C10orf67: variants seen among roughly 807,000 people sequenced by gnomAD.
The protein encoded by C10orf67 is uncharacterized protein C10orf67, mitochondrial.
In C10orf67, 60 loss-of-function variants were observed where a neutral mutation model predicts 35.6. The observed-to-expected ratio is 1.68, with a 90% CI of 1.37 to 2.09. C10orf67 has a LOEUF of 2.09. Ranked by LOEUF, C10orf67 falls within the 30% of genes most tolerant of loss-of-function variation. The pLI is 0.00. For synonymous variants in C10orf67, 167 were observed against 115.8 expected (o/e 1.44, Z -2.84); for missense variants, 474 against 330.2 (o/e 1.44, Z -3.38).
intron 5 of C10orf67, among the ~76,000 whole-genome samples, chr10:23,294,687 A>T (rs947687353): frequency 4.5e-4 from 69 of 152,242 alleles, no homozygotes; most frequent in African/African-American, 1.6e-3. Flanking sequence ...AGTAAACTAG[A>T]TAACTGTAGA....
At chr10:23,283,339 T>C (rs1843427026) in intron 7 of C10orf67, among the ~76,000 whole-genome samples, 1 of 152,218 alleles carries the variant, frequency 6.6e-6, no homozygotes, top group Non-Finnish European at 1.5e-5. Flanking sequence ...CAACCTTTCG[T>C]TGTGATATGC....
At chr10:23,263,975 A>G (rs1842821011) in intron 10 of C10orf67, among the ~76,000 whole-genome samples, 1 of 152,210 alleles carries the variant, frequency 6.6e-6, no homozygotes, top group African/African-American at 2.4e-5. Context: ...TGGGTAGCAC[A>G]TGTGCTGTTC....
At chr10:23,233,620 A>T (rs534168378) in intron 13 of C10orf67, among the ~76,000 whole-genome samples, 10 of 152,244 alleles carry the variant, frequency 6.6e-5, no homozygotes, top group African/African-American at 2.4e-4. Context: ...CTTTCGTGTG[A>T]TAAAAAGAAT....
At chr10:23,344,513 C>T in intron 1 of C10orf67, 56 bp downstream of exon 1, 3 of 1,491,280 alleles carry the variant, frequency 2.0e-6, no homozygotes, top group Admixed American at 2.0e-5. Flanking sequence ...AGCCTCCCGC[C>T]GTGCCCCTGG....
intron 5 of C10orf67, among the ~76,000 whole-genome samples, chr10:23,295,601 G>A (rs1036338690): frequency 7.2e-5 from 11 of 152,236 alleles, no homozygotes; most frequent in South Asian, 2.1e-4. Flanking sequence ...TTAGCCAGGC[G>A]GGTATCATGT....
intron 4 of C10orf67, among the ~76,000 whole-genome samples, chr10:23,304,665 T>A (rs925636074): frequency 4.0e-5 from 6 of 151,858 alleles, no homozygotes; most frequent in Non-Finnish European, 7.4e-5. Context: ...GCCCTGTAAT[T>A]CCCTTCAAGC....
chr10:23,287,653 C>T (rs796236182), intron 7 of C10orf67, among the ~76,000 whole-genome samples: 28 of 152,100 alleles, frequency 1.8e-4, no homozygotes, highest in African/African-American at 6.5e-4. Context: ...AGAGCTTCTG[C>T]ACAAAAGAAA....
At chr10:23,248,295 G>A (rs185581802) in intron 12 of C10orf67, among the ~76,000 whole-genome samples, 8 of 152,320 alleles carry the variant, frequency 5.3e-5, no homozygotes, top group Admixed American at 1.3e-4. Flanking sequence ...GTAGGGATAT[G>A]TTCCAAAGCT....
chr10:23,234,476 T>G (rs1482765215), intron 13 of C10orf67, among the ~76,000 whole-genome samples: 1 of 152,064 alleles, frequency 6.6e-6, no homozygotes, highest in Non-Finnish European at 1.5e-5. Flanking sequence ...AGCTACATGA[T>G]GAGAACACAT....
At chr10:23,296,183 T>G (rs900828041) in intron 5 of C10orf67, among the ~76,000 whole-genome samples, 1 of 151,980 alleles carries the variant, frequency 6.6e-6, no homozygotes, top group Non-Finnish European at 1.5e-5. Context: ...ATGTGTACTT[T>G]TTTTTTTTTG....
At chr10:23,267,469 T>G (rs1842915169) in intron 8 of C10orf67, among the ~76,000 whole-genome samples, 1 of 152,194 alleles carries the variant, frequency 6.6e-6, no homozygotes, top group African/African-American at 2.4e-5. Context: ...TATATAACAT[T>G]GCAAAAATCT....
chr10:23,268,277 A>G (rs745773234), intron 8 of C10orf67, among the ~76,000 whole-genome samples: 2 of 152,244 alleles, frequency 1.3e-5, no homozygotes, highest in Non-Finnish European at 2.9e-5. Flanking sequence ...CCTAGGCAAC[A>G]GAGTGAGACC....
intron 15 of C10orf67, among the ~76,000 whole-genome samples, chr10:23,216,831 T>C (rs1200306116): frequency 6.6e-6 from 1 of 152,158 alleles, no homozygotes; most frequent in Admixed American, 6.5e-5. Flanking sequence ...ATAAAATATG[T>C]ATGATTGACA....
At chr10:23,281,963 A>C (rs1237762925) in intron 8 of C10orf67, 50 bp downstream of exon 8, 8 of 537,556 alleles carry the variant, frequency 1.5e-5, no homozygotes, top group African/African-American at 6.0e-5. Context: ...TCATGGTTAA[A>C]TTAAATTCCT....
At chr10:23,265,630 C>T (rs1396650251) in intron 10 of C10orf67, among the ~76,000 whole-genome samples, 2 of 152,184 alleles carry the variant, frequency 1.3e-5, no homozygotes, top group South Asian at 2.1e-4. Flanking sequence ...GAGATACAGG[C>T]TCATAATGAT....
chr10:23,326,590 ATAAAATAC>A (rs1484704604), intron 2 of C10orf67, among the ~76,000 whole-genome samples: 2 of 152,186 alleles, frequency 1.3e-5, no homozygotes, highest in Non-Finnish European at 2.9e-5. Flanking sequence ...CTAGGTACAT[ATAAAATAC>A]TAGCTTTCCT....
intron 13 of C10orf67, among the ~76,000 whole-genome samples, chr10:23,232,579 TG>T (rs992100718): frequency 6.6e-6 from 1 of 152,098 alleles, no homozygotes; most frequent in Non-Finnish European, 1.5e-5. Flanking sequence ...CTTAGACTAT[TG>T]GATCAGAGCT....
intron 15 of C10orf67, among the ~76,000 whole-genome samples, chr10:23,209,387 G>T (rs1364679677): frequency 6.6e-6 from 1 of 152,098 alleles, no homozygotes; most frequent in African/African-American, 2.4e-5. Context: ...AGGTCAAGAG[G>T]AGAGCGTTTG....
At chr10:23,325,592 T>C (rs1364716080) in intron 2 of C10orf67, among the ~76,000 whole-genome samples, 1 of 146,034 alleles carries the variant, frequency 6.8e-6, no homozygotes, top group African/African-American at 2.5e-5. Flanking sequence ...ACAAAAAAAC[T>C]TCAGCATTCT....
Sources: allele counts gnomAD v4.1 joint callset (sites outside exome capture counted in the v4.1 genomes callset), GRCh38; gene constraint gnomAD v4.1.1; transcripts MANE v1.5; gene names NCBI Gene and HGNC (gene_info 2026-07-23, HGNC 2026-07-21).